Variants in ANKRD46 observed in about 807,000 individuals in gnomAD.
The protein encoded by ANKRD46 is ankyrin repeat domain-containing protein 46.
ANKRD46 carries 13 observed loss-of-function variants against 19.8 expected under a neutral mutation model. The observed-to-expected ratio is 0.66, with a 90% confidence interval of 0.43 to 1.04. The LOEUF (loss-of-function observed/expected upper bound fraction) is 1.04. Ranked by LOEUF, ANKRD46 falls within the 50% of genes least tolerant of loss-of-function variation. The pLI is 0.00. For synonymous variants in ANKRD46, 91 were observed against 106.9 expected, an observed-to-expected ratio of 0.85 and a Z score of 0.92; for missense variants, 185 against 274.8, an observed-to-expected ratio of 0.67 and a Z score of 2.31.
intron 5 of ANKRD46, among the ~76,000 whole-genome samples, chr8:100,513,168 TATAAC>T (rs916049296): frequency 1.3e-5 from 2 of 152,216 alleles, no homozygotes; most frequent in African/African-American, 4.8e-5. Context: ...ATAAAACACA[TATAAC>T]ATACATTGAG....
At chr8:100,515,292 C>T (rs1811611821) in intron 5 of ANKRD46, among the ~76,000 whole-genome samples, 1 of 152,150 alleles carries the variant, frequency 6.6e-6, no homozygotes, top group African/African-American at 2.4e-5. Context: ...TAACATCATG[C>T]CTGCTCTTGA....
At position 100,527,969 on chromosome 8, in the gene ANKRD46, T is replaced by G; in HGVS notation, c.346A>C (p.Lys116Gln). The part of the protein sequence containing the change: ...HQGATPLVLA[K>Q]RRGVNKDVIR... ...ACATCTTTATTTACTCCTCTGCGCT[T>G]TGCCAGAACTAAAGGGGTAGCACCT... The change falls in exon 4 of 5, where the codon AAG becomes CAG. Residue 116 changes from lysine (K) to glutamine (Q), a missense_variant. Physicochemically the swap from Lys to Gln is moderately conservative, Grantham distance 53 (BLOSUM62 1). Transcript: ENST00000335659. The surrounding 1 kb of genome is among the most constrained non-coding windows in gnomAD (Gnocchi z 4.0). The G allele has an allele frequency of 6.2e-7, 1 of 1,609,822 alleles. No individual in the cohort carries two copies. Among genetic ancestry groups the G allele is most frequent in the Non-Finnish European group, 8.5e-7 (1 of 1,178,404 alleles).
At position 100,522,694 on chromosome 8, in the gene ANKRD46, C is replaced by T. The variant is rs1811750905; in HGVS notation, c.548G>A (p.Trp183Ter). The T allele has an allele frequency of 6.2e-7, 1 of 1,614,102 alleles. No individual in the cohort carries two copies. Among genetic ancestry groups the T allele is most frequent in the Non-Finnish European group, 8.5e-7 (1 of 1,180,026 alleles). ...GCCCAGATCCTCCACAAACTCCTGC[C>T]ACGTGGTTCGGAAGCTGGAGAGGAC... ...EGVLSSFRTTWQEFVEDLGFW... is the reference protein window; with the variant it reads ...EGVLSSFRTT The change falls in exon 5 of 5, where the codon TGG (tryptophan) becomes TAG (stop). Residue 183 changes from tryptophan to a stop codon, truncating the protein, a stop_gained. Coordinates refer to ENST00000335659, the MANE Select transcript of ANKRD46 (RefSeq NM_001270377.2). LOFTEE classifies it high-confidence loss of function.
At chr8:100,522,960 CTG>C (rs1451321525) in intron 4 of ANKRD46, among the ~76,000 whole-genome samples, 189 bp from the exon 5 acceptor site, 3 of 150,818 alleles carry the variant, frequency 2.0e-5, no homozygotes, top group African/African-American at 7.3e-5. Flanking sequence ...ATATACTAAA[CTG>C]TAAATTGCTA....
At position 100,545,020 on chromosome 8, in the gene ANKRD46, A is replaced by G. The variant is rs1384923033; in HGVS notation, c.-130-11709T>C. On this transcript the variant is annotated intron_variant, in intron 1 of 4. Coordinates refer to ENST00000335659, the MANE Select transcript of ANKRD46 (RefSeq NM_001270377.2). The surrounding 1 kb of genome is among the most constrained non-coding windows in gnomAD (Gnocchi z 4.7). ...GATATTTTGCCATGGCCTTAATATC[A>G]TATCTAAAACCAGCACTCCAGAGGC... Among the ~76,000 whole-genome samples, 2 of 152,300 alleles carry G rather than the reference A, an allele frequency of 1.3e-5. No homozygotes were observed. Among genetic ancestry groups the G allele is most frequent in the African/African-American group, 2.4e-5 (1 of 41,558 alleles).
At position 100,537,171 on chromosome 8, in the gene ANKRD46, A is replaced by AAT. The variant is rs1277538734; in HGVS notation, c.-130-3862_-130-3861dup. Among the ~76,000 whole-genome samples the AAT allele has an allele frequency of 3.3e-5, 5 of 152,198 alleles. No individual in the cohort carries two copies. The highest frequency in any genetic ancestry group is 2.9e-5 in the Non-Finnish European group (2 of 68,038). ...TTAATGGTTAAGGACTAATGGAGAG[A>AAT]ATATATATACTTATAACTAAAAATT... On this transcript the variant is annotated intron_variant, in intron 1 of 4. Transcript: ENST00000335659. This position sits in a 1 kb window ranked among gnomAD's most constrained non-coding sequence, Gnocchi z 4.2.
In ANKRD46 at chr8:100,510,686, T is replaced by C. The variant is rs1471566534; in HGVS notation, c.637-47A>G. 1 of 1,406,678 alleles carries C rather than the reference T, an allele frequency of 7.1e-7. No homozygotes were observed. Among genetic ancestry groups the C allele is most frequent in the South Asian group, 1.2e-5 (1 of 80,022 alleles). The allele number at this position is 1,406,678 out of a possible 1,614,324, so 87.1% of individuals were successfully genotyped here. A position where few individuals can be genotyped will look rare whatever the true frequency, so the allele number is the denominator to read the frequency against. The stretch of plus-strand genomic sequence containing the variant: ...ATTAAAAAAAAAAAAAAATCCCAGT[T>C]CTGTTAAGCTGCAGAGATGTGCCAG... On this transcript the variant is annotated intron_variant, in intron 5 of 5. Coordinates refer to the ANKRD46 transcript ENST00000520552. The surrounding 1 kb of genome is among the most constrained non-coding windows in gnomAD (Gnocchi z 4.9).
chr8:100,518,463 C>T (rs1039813260), downstream of ANKRD46, among the ~76,000 whole-genome samples: 6 of 152,026 alleles, frequency 3.9e-5, no homozygotes, highest in South Asian at 2.1e-4. Context: ...TTTTGAAAAG[C>T]GGTGCAATTC....
chr8:100,517,379 A>G (rs1811651159), downstream of ANKRD46, among the ~76,000 whole-genome samples: 1 of 152,252 alleles, frequency 6.6e-6, no homozygotes, highest in Admixed American at 6.5e-5. Flanking sequence ...TGGACAGCAT[A>G]TAGAAAATTT....
intron 5 of ANKRD46, among the ~76,000 whole-genome samples, chr8:100,512,157 A>G (rs907121464): frequency 6.6e-6 from 1 of 152,244 alleles, no homozygotes; most frequent in Non-Finnish European, 1.5e-5. Flanking sequence ...TATTTAACAG[A>G]AACTGCATTC....
At chr8:100,522,868 C>CAG in intron 4 of ANKRD46, 97 bp from the exon 5 acceptor site, 1 of 462,846 alleles carries the variant, frequency 2.2e-6, no homozygotes, top group Non-Finnish European at 3.6e-6. Context: ...ACCAAATACA[C>CAG]ACACACACAC....
At chr8:100,548,273 C>T (rs1812312698) in intron 1 of ANKRD46, among the ~76,000 whole-genome samples, 1 of 152,124 alleles carries the variant, frequency 6.6e-6, no homozygotes, top group South Asian at 2.1e-4. Flanking sequence ...GCCTACCTCT[C>T]CAAATTCATC....
downstream of ANKRD46, among the ~76,000 whole-genome samples, chr8:100,518,039 A>C (rs1017127735): frequency 2.0e-5 from 3 of 152,150 alleles, no homozygotes. Context: ...AAAAATACAA[A>C]AATTAGCCAG....
chr8:100,515,290 T>C (rs1199586897), intron 5 of ANKRD46, among the ~76,000 whole-genome samples: 1 of 152,202 alleles, frequency 6.6e-6, no homozygotes, highest in East Asian at 1.9e-4. Context: ...GGTAACATCA[T>C]GCCTGCTCTT....
chr8:100,512,102 T>C (rs1287423519), intron 5 of ANKRD46, among the ~76,000 whole-genome samples: 2 of 152,228 alleles, frequency 1.3e-5, no homozygotes, highest in African/African-American at 4.8e-5. Context: ...CACATAACTC[T>C]GGAATTGGAA....
chr8:100,531,642 G>A (rs1811964979), intron 2 of ANKRD46, among the ~76,000 whole-genome samples: 1 of 152,006 alleles, frequency 6.6e-6, no homozygotes, highest in Non-Finnish European at 1.5e-5. Flanking sequence ...GCCACTGAAG[G>A]ATTTTTTTTG....
At chr8:100,549,423 A>G in intron 1 of ANKRD46, among the ~76,000 whole-genome samples, 1 of 152,258 alleles carries the variant, frequency 6.6e-6, no homozygotes, top group African/African-American at 2.4e-5. Flanking sequence ...ATTTTAAAAG[A>G]AACCATATAA....
chr8:100,539,229 A>C (rs1812125861), intron 1 of ANKRD46, among the ~76,000 whole-genome samples: 1 of 152,242 alleles, frequency 6.6e-6, no homozygotes. Flanking sequence ...GGGCCTAGGA[A>C]GTAATTTCTC....
downstream of ANKRD46, among the ~76,000 whole-genome samples, chr8:100,517,322 T>C (rs965442422): frequency 1.3e-5 from 2 of 152,248 alleles, no homozygotes; most frequent in Non-Finnish European, 1.5e-5. Context: ...AAGAAATGAA[T>C]TTCTAATGTA....
Sources: allele counts gnomAD v4.1 joint callset (sites outside exome capture counted in the v4.1 genomes callset), GRCh38; gene constraint gnomAD v4.1.1; non-coding constraint Gnocchi (gnomAD v3.1); transcripts MANE v1.5; gene names NCBI Gene and HGNC (gene_info 2026-07-23, HGNC 2026-07-21).